Variants in AADAC observed in about 807,000 individuals in gnomAD.
AADAC encodes arylacetamide deacetylase.
AADAC carries 17 observed loss-of-function variants against 22.7 expected under a neutral mutation model. That is an observed-to-expected ratio of 0.75 (90% CI 0.51 to 1.12). AADAC has a LOEUF of 1.12. AADAC is among the 50% of genes most tolerant of loss of function. AADAC has a pLI of 0.00. For missense variants in AADAC, 465 were observed against 473.9 expected (o/e 0.98, Z 0.17); for synonymous variants, 167 against 176.3 (o/e 0.95, Z 0.42).
Position 151,827,993 on chromosome 3 carries a change from C to A in AADAC, c.1021C>A (p.Gln341Lys), listed in dbSNP as rs1273056861. 6.2e-7 allele frequency: 1 copy of A among 1,613,090 alleles called. No individual in the cohort carries two copies. Among genetic ancestry groups the A allele is most frequent in the Admixed American group, 1.7e-5 (1 of 59,878 alleles). ...ACCCCTGACCTATGTCATCACCTGT[C>A]AATATGATCTCTTAAGAGATGATGG... ...GLPLTYVITC[Q>K]YDLLRDDGLM... Residue 341 changes from glutamine (Q) to lysine (K), a missense_variant, in exon 5 of 5, where the codon CAA (glutamine) becomes AAA (lysine). Coordinates refer to ENST00000232892, the MANE Select transcript of AADAC (RefSeq NM_001086.3).
Position 151,824,645 on chromosome 3 carries a change from T to C in AADAC, c.432-18T>C, listed in dbSNP as rs374437611. On this transcript the variant is annotated intron_variant, in intron 3 of 4. Transcript: ENST00000232892. ...AAAACAAACAAAAAAATGTGTAAAC[T>C]ATGTTTTCTCTCTACAGCTACAGAT... is the stretch of plus-strand genomic sequence containing the variant. 7.4e-6 allele frequency: 11 copies of C among 1,484,658 alleles called. No homozygotes were observed. The highest frequency in any genetic ancestry group is 9.8e-6 in the Non-Finnish European group (11 of 1,117,508). The allele number at this position is 1,484,658 out of a possible 1,614,324, so 92.0% of individuals were successfully genotyped here.
chr3:151,823,183 CAGG>C (rs1716323716), intron 3 of AADAC, among the ~76,000 whole-genome samples: 1 of 151,576 alleles, frequency 6.6e-6, no homozygotes, highest in African/African-American at 2.4e-5. Flanking sequence ...GAGGCTGAGG[CAGG>C]AGAATTGCTT....
chr3:151,822,955 T>C (rs1716312195), intron 3 of AADAC, among the ~76,000 whole-genome samples: 1 of 151,940 alleles, frequency 6.6e-6, no homozygotes, highest in Non-Finnish European at 1.5e-5. Context: ...GTTAATTTTA[T>C]AGGTTATGAA....
At chr3:151,827,390 T>C (rs1576646776) in intron 4 of AADAC, among the ~76,000 whole-genome samples, 186 bp from the exon 5 acceptor site, 2 of 152,002 alleles carry the variant, frequency 1.3e-5, no homozygotes, top group Admixed American at 6.6e-5. Flanking sequence ...CATCTAGTTC[T>C]AGAAACCCAT....
intron 2 of AADAC, among the ~76,000 whole-genome samples, chr3:151,819,118 T>TAGAG (rs3073274): frequency 0.6 from 90,515 of 151,164 alleles, 27,551 homozygotes; most frequent in Non-Finnish European, 0.64. Context: ...ATTAAAAAAA[T>TAGAG]AGATCTGAAT....
intron 4 of AADAC, among the ~76,000 whole-genome samples, chr3:151,826,542 T>G (rs964912922): frequency 6.6e-6 from 1 of 151,980 alleles, no homozygotes; most frequent in African/African-American, 2.4e-5. Flanking sequence ...TGGGGTTACA[T>G]CTAATAATAT....
intron 1 of AADAC, 45 bp downstream of exon 1, chr3:151,814,345 T>C: frequency 6.5e-7 from 1 of 1,547,328 alleles, no homozygotes. Context: ...ACACCACCAT[T>C]TGACCCAGAG....
intron 1 of AADAC, 142 bp downstream of exon 1, chr3:151,814,442 C>T (rs2293002): frequency 0.53 from 466,325 of 879,090 alleles, 126,646 homozygotes; most frequent in Non-Finnish European, 0.54. Context: ...CAATGTGTTA[C>T]TTAGAAATGT....
chr3:151,826,514 T>C (rs2410838), intron 4 of AADAC, among the ~76,000 whole-genome samples: 114,889 of 151,730 alleles, frequency 0.76, 43,865 homozygotes, highest in Middle Eastern at 0.84. Flanking sequence ...GGATAAATAC[T>C]ACAATTTGCA....
chr3:151,820,086 T>C (rs1039964787), intron 2 of AADAC, among the ~76,000 whole-genome samples: 3 of 152,120 alleles, frequency 2.0e-5, no homozygotes, highest in South Asian at 2.1e-4. Flanking sequence ...CCTTCCAGTA[T>C]ACACAGTTGG....
intron 1 of AADAC, among the ~76,000 whole-genome samples, chr3:151,815,630 T>TTA (rs902169772): frequency 7.2e-5 from 11 of 151,850 alleles, no homozygotes; most frequent in Non-Finnish European, 1.2e-4. Flanking sequence ...ATTTAAGCAA[T>TTA]TATATATATA....
rs763818646 is a variant in AADAC, at chr3:151,814,235, G to A, written c.73G>A (p.Asp25Asn). 6.2e-7 allele frequency: 1 copy of A among 1,613,190 alleles called. No individual in the cohort carries two copies. Among genetic ancestry groups the A allele is most frequent in the South Asian group, 1.1e-5 (1 of 91,064 alleles). The change falls in exon 1 of 5, where the codon GAT (aspartate) becomes AAT (asparagine). Residue 25 changes from aspartate (D) to asparagine (N), a missense_variant. By Grantham distance (23) the Asp-to-Asn change is conservative (BLOSUM62 1). Transcript: ENST00000232892. ...IAYYIYTPLP[D>N]NVEEPWRMMW... Reference sequence around the variant, plus strand: ...ATATTATATTTATACGCCTCTCCCAGATAACGTTGAGGAGCCATGGAGAAT... The same window carrying A: ...ATATTATATTTATACGCCTCTCCCAAATAACGTTGAGGAGCCATGGAGAAT...
At chr3:151,824,863 A>G (rs1716408686) in intron 4 of AADAC, 29 bp downstream of exon 4, 1 of 1,476,510 alleles carries the variant, frequency 6.8e-7, no homozygotes, top group Non-Finnish European at 9.0e-7. Context: ...TGCTTTTTAA[A>G]AATAGCGTTT....
At chr3:151,820,516 CTTTTTTTTTT>C (rs34039248) in intron 3 of AADAC, 64 bp downstream of exon 3, 2 of 411,176 alleles carry the variant, frequency 4.9e-6, no homozygotes, top group Non-Finnish European at 7.1e-6. Context: ...TCTCAGCTTT[CTTTTTTTTTT>C]TTTTTTTTTG....
intron 1 of AADAC, among the ~76,000 whole-genome samples, chr3:151,815,903 CT>C: frequency 6.6e-6 from 1 of 151,962 alleles, no homozygotes; most frequent in African/African-American, 2.4e-5. Context: ...TGTTCATACC[CT>C]TTATTAAAGG....
At position 151,814,121 on chromosome 3, in the gene AADAC, T is replaced by A; in HGVS notation, c.-42T>A. 6.2e-7 allele frequency: 1 copy of A among 1,610,264 alleles called. No homozygotes were observed. On this transcript the variant is annotated 5_prime_UTR_variant, in exon 1 of 5. Transcript: ENST00000232892. ...ACTATTCAGGCATATCATGTAGGTT[T>A]ACTTTCTGTGTTTCTAGAGACCAAG...
intron 3 of AADAC, among the ~76,000 whole-genome samples, chr3:151,822,245 C>T (rs1221039164): frequency 2.0e-5 from 3 of 151,924 alleles, no homozygotes; most frequent in East Asian, 1.9e-4. Flanking sequence ...ATAAACACTT[C>T]GGCAGCTCCT....
chr3:151,823,219 G>A (rs867058571), intron 3 of AADAC, among the ~76,000 whole-genome samples: 4 of 151,552 alleles, frequency 2.6e-5, no homozygotes, highest in East Asian at 3.9e-4. Flanking sequence ...GGGAGGTTGC[G>A]GTGAGCCGAG....
rs886712444 is a variant in AADAC at position 151,828,166 on chromosome 3, T to G, written c.1194T>G (p.Asn398Lys). 2.0e-6 allele frequency: 3 copies of G among 1,515,532 alleles called. No homozygotes were observed. In the African/African-American group the frequency reaches 4.2e-5, roughly 21 times the overall value. The allele number at this position is 1,515,532 out of a possible 1,614,324, so 93.9% of individuals were successfully genotyped here. A position where few individuals can be genotyped will look rare whatever the true frequency, so the allele number is the denominator to read the frequency against. Reference sequence around the variant, plus strand: ...AGTATATTGAGTGGCTAAAGGAAAATCTATAGTAAAACATGTAGCTATAAC... The same window carrying G: ...AGTATATTGAGTGGCTAAAGGAAAAGCTATAGTAAAACATGTAGCTATAAC... ...INQYIEWLKE[N>K]L is the part of the protein sequence containing the mutation. Residue 398 changes from asparagine to lysine, a missense_variant, in exon 5 of 5, where the codon AAT becomes AAG. Asn to Lys is a moderately conservative substitution (Grantham distance 94). Transcript: ENST00000232892.
Sources: gnomAD v4.1 joint callset for allele counts (sites outside exome capture counted in the v4.1 genomes callset) on GRCh38, gnomAD v4.1.1 for gene constraint, MANE v1.5 for transcripts, NCBI Gene and HGNC (gene_info 2026-07-23, HGNC 2026-07-21) for gene names.